Variants in SPIN2A observed in about 807,000 individuals in gnomAD.
The protein encoded by SPIN2A is spindlin-2A.
Under a neutral mutation model 9.2 loss-of-function variants are expected in SPIN2A, and 4 were observed. The observed-to-expected ratio is 0.44, with a 90% CI of 0.21 to 1.00. The LOEUF (loss-of-function observed/expected upper bound fraction) is 1.00. Ranked by LOEUF, SPIN2A falls within the 50% of genes least tolerant of loss-of-function variation. The pLI is 0.26. For missense variants in SPIN2A, 77 were observed against 172.8 expected (o/e 0.45, Z 3.11); for synonymous variants, 25 against 61.2 (o/e 0.41, Z 2.76).
the SPIN2A span, among the ~76,000 whole-genome samples, chrX:57,143,793 T>C: frequency 8.9e-6 from 1 of 111,837 alleles, no homozygotes; most frequent in Admixed American, 9.5e-5. Context: ...TTATTTTTGA[T>C]AGCTTTGTCT....
chrX:57,135,969 A>G lies in SPIN2A; in HGVS notation c.629T>C (p.Ile210Thr), dbSNP rs766829541. The G allele has an allele frequency of 3.1e-5, 37 of 1,206,227 alleles. No homozygotes were observed. The Admixed American group carries it at 5.5e-4, about 18-fold the overall frequency. Residue 210 changes from isoleucine to threonine, a missense_variant, in exon 2 of 2, where the codon ATA (isoleucine) becomes ACA (threonine). Around this residue, in one of 4 missense-constraint regions of SPIN2A, gnomAD observed 36 missense variants for 47.6 expected, o/e 0.76. Transcript: ENST00000374906. The stretch of plus-strand genomic sequence containing the variant: ...TTTGGTATATTCCACATGCTTACCT[A>G]TTAGGCCATCTACAACTCCTCCTGG... Reference protein sequence around the residue: ...REPGGVVDGLIGKHVEYTKED... With the variant: ...REPGGVVDGLTGKHVEYTKED...
chrX:57,144,896 A>C, the SPIN2A span, among the ~76,000 whole-genome samples: 1 of 93,971 alleles, frequency 1.1e-5, no homozygotes, highest in Non-Finnish European at 2.0e-5. Flanking sequence ...ATATATATAT[A>C]TATGTATGTA....
upstream of SPIN2A, among the ~76,000 whole-genome samples, chrX:57,139,830 G>A (rs979784351): frequency 9.9e-5 from 11 of 111,391 alleles, no homozygotes; most frequent in Non-Finnish European, 1.9e-4. Flanking sequence ...GATTGCTTTG[G>A]CCATTCTGAT....
chrX:57,135,595 A>G, downstream of SPIN2A: 4 of 678,546 alleles, frequency 5.9e-6, no homozygotes, highest in Non-Finnish European at 8.6e-6. Context: ...TCCATGCCCC[A>G]TCTACCAAAC....
chrX:57,135,041 G>GCCTT (rs1382481759), downstream of SPIN2A: 1 of 110,851 alleles, frequency 9.0e-6, no homozygotes, highest in Non-Finnish European at 1.9e-5. Context: ...ATTTTCCTGG[G>GCCTT]CCTTCCGATC....
chrX:57,146,581 G>T, the SPIN2A span, among the ~76,000 whole-genome samples: 1 of 111,840 alleles, frequency 8.9e-6, no homozygotes, highest in Admixed American at 9.5e-5. Flanking sequence ...GATTGCTCTT[G>T]CTAGGACTTC....
chrX:57,137,487 AGTCCCTG>A, upstream of SPIN2A: 9 of 257,363 alleles, frequency 3.5e-5, no homozygotes, highest in Non-Finnish European at 4.9e-5. Flanking sequence ...GGCTGCCACC[AGTCCCTG>A]ATGCAGTGGC....
the SPIN2A span, among the ~76,000 whole-genome samples, chrX:57,143,659 G>A: frequency 9.1e-6 from 1 of 110,056 alleles, no homozygotes; most frequent in Admixed American, 9.8e-5. Flanking sequence ...TGTATTTTTG[G>A]TAGACAGGGG....
At chrX:57,145,389 G>A in the SPIN2A span, among the ~76,000 whole-genome samples, 4 of 110,445 alleles carry the variant, frequency 3.6e-5, no homozygotes, top group South Asian at 3.8e-4. Flanking sequence ...TCCTTACCCC[G>A]CTTTTTGATG....
the SPIN2A span, among the ~76,000 whole-genome samples, chrX:57,144,654 G>A: frequency 9.1e-6 from 1 of 109,926 alleles, no homozygotes; most frequent in Non-Finnish European, 1.9e-5. Context: ...ATTTTCAGTC[G>A]TTTATCCCTC....
chrX:57,140,417 C>CAAAAAAAAAAAAA (rs60570721), upstream of SPIN2A, among the ~76,000 whole-genome samples: 18 of 64,812 alleles, frequency 2.8e-4, no homozygotes, highest in African/African-American at 1.1e-3. Context: ...CCATCTCTAC[C>CAAAAAAAAAAAAA]AAAAAAAAAA....
At chrX:57,145,370 G>C in the SPIN2A span, among the ~76,000 whole-genome samples, 3 of 110,552 alleles carry the variant, frequency 2.7e-5, no homozygotes, top group Non-Finnish European at 5.7e-5. Context: ...TGAGAATTGT[G>C]TATTTATGTC....
chrX:57,136,209 C>G lies in SPIN2A; in HGVS notation c.389G>C (p.Gly130Ala). The stretch of plus-strand genomic sequence containing the variant: ...CTCAAACATGTGTTCCACTGCTTTG[C>G]CAATTATGGTATTTGCAAGGTTGGC... Reference protein sequence around the residue: ...SDANLANTIIGKAVEHMFEGE... With the variant: ...SDANLANTIIAKAVEHMFEGE... Residue 130 changes from glycine (G) to alanine (A), a missense_variant, in exon 2 of 2, where the codon GGC (glycine) becomes GCC (alanine). Transcript: ENST00000374906. 3 of 1,210,411 alleles carry G rather than the reference C, an allele frequency of 2.5e-6. No homozygotes were observed. Among genetic ancestry groups the G allele is most frequent in the Non-Finnish European group, 3.4e-6 (3 of 895,265 alleles).
At position 57,135,936 on chromosome X, in the gene SPIN2A, C is replaced by G. The variant is rs1487279622; in HGVS notation, c.662G>C (p.Gly221Ala). 2 of 1,207,595 alleles carry G rather than the reference C, an allele frequency of 1.7e-6. No homozygotes were observed. The highest frequency in any genetic ancestry group is 2.2e-6 in the Non-Finnish European group (2 of 894,240). The change falls in exon 2 of 2, where the codon GGC (glycine) becomes GCC (alanine). Residue 221 changes from glycine (G) to alanine (A), a missense_variant. By Grantham distance (60) the Gly-to-Ala change is moderately conservative. Transcript: ENST00000374906. ...GKHVEYTKED[G>A]SKRIGMVIHQ... ...AATGACCATGCCGATCCTTTTGGAG[C>G]CATCTTCTTTGGTATATTCCACATG...
At chrX:57,145,786 T>G in the SPIN2A span, among the ~76,000 whole-genome samples, 1 of 111,878 alleles carries the variant, frequency 8.9e-6, no homozygotes, top group Admixed American at 9.5e-5. Context: ...GGCTTGCCAA[T>G]TATGCCAGCA....
At chrX:57,138,397 A>G (rs1004346711), upstream of SPIN2A, among the ~76,000 whole-genome samples, 1 of 110,317 alleles carries the variant, frequency 9.1e-6, no homozygotes, top group African/African-American at 3.3e-5. Flanking sequence ...GTTAATCTTA[A>G]TCTATGGTGG....
upstream of SPIN2A, among the ~76,000 whole-genome samples, chrX:57,138,654 G>A (rs1259778846): frequency 2.7e-5 from 3 of 110,866 alleles, no homozygotes; most frequent in African/African-American, 3.3e-5. Flanking sequence ...TTTCATAATG[G>A]CTATGCTAAT....
At chrX:57,145,199 C>A in the SPIN2A span, among the ~76,000 whole-genome samples, 1 of 109,389 alleles carries the variant, frequency 9.1e-6, no homozygotes, top group Non-Finnish European at 1.9e-5. Context: ...TCCCTTTTCA[C>A]CACATCCATA....
chrX:57,135,733 G>C lies in SPIN2A; in HGVS notation c.*88C>G. 2.6e-6 allele frequency: 3 copies of C among 1,159,937 alleles called. No individual in the cohort carries two copies. In the Admixed American group the frequency reaches 7.5e-5, roughly 29 times the overall value. Reference sequence around the variant, plus strand: ...TGTTTAGTTATCAGGGATTCCATAAGCTTTCAGTACACTGAAAGGCAACAT... The same window carrying C: ...TGTTTAGTTATCAGGGATTCCATAACCTTTCAGTACACTGAAAGGCAACAT... On this transcript the variant is annotated 3_prime_UTR_variant, in exon 2 of 2. Coordinates refer to ENST00000374906, the MANE Select transcript of SPIN2A (RefSeq NM_019003.5).
Sources: allele counts gnomAD v4.1 joint callset (sites outside exome capture counted in the v4.1 genomes callset), GRCh38; gene constraint gnomAD v4.1.1; regional missense constraint gnomAD v4.1.1; transcripts MANE v1.5; gene names NCBI Gene and HGNC (gene_info 2026-07-23, HGNC 2026-07-21).